Variants in SI observed in about 807,000 individuals in gnomAD.
SI encodes the protein sucrase-isomaltase, intestinal.
In SI, 235 loss-of-function variants were observed where a neutral mutation model predicts 253.3. The observed-to-expected ratio is 0.93, with a 90% CI of 0.83 to 1.03. SI has a LOEUF of 1.03. Ranked by LOEUF, SI falls within the 50% of genes least tolerant of loss-of-function variation. The probability of loss-of-function intolerance (pLI) is 0.00; values close to 1 mark genes in which losing one functional copy is unlikely to be tolerated. For missense variants in SI, 2,442 were observed against 2,211.1 expected (o/e 1.10, Z -2.09); for synonymous variants, 819 against 712.0 (o/e 1.15, Z -2.39).
chr3:165,036,952 A>G (rs1435739892), intron 21 of SI, among the ~76,000 whole-genome samples: 1 of 151,730 alleles, frequency 6.6e-6, no homozygotes, highest in Non-Finnish European at 1.5e-5. Context: ...GAGTAATGAG[A>G]TGTAGTCAAG....
rs369270913 is a variant in SI, at chr3:165,013,050, A to G, written c.4000-8T>C. 18 of 1,584,178 alleles carry G rather than the reference A, an allele frequency of 1.1e-5. No individual in the cohort carries two copies. The highest frequency in any genetic ancestry group is 1.5e-5 in the Non-Finnish European group (17 of 1,153,046). ...GGGCAAATCTGGCCAAACCTACAAG[A>G]GACAAGACATGGAAAAGCTGATCAA... On this transcript the variant is annotated splice_region_variant and splice_polypyrimidine_tract_variant and intron_variant, in intron 33 of 47. Coordinates refer to ENST00000264382, the MANE Select transcript of SI (RefSeq NM_001041.4).
At chr3:165,021,000 G>A (rs2108182698) in intron 27 of SI, among the ~76,000 whole-genome samples, 1 of 151,642 alleles carries the variant, frequency 6.6e-6, no homozygotes, top group East Asian at 1.9e-4. Flanking sequence ...GATACTAATA[G>A]TGAAATTGAA....
intron 6 of SI, among the ~76,000 whole-genome samples, chr3:165,066,591 C>T (rs1329112276): frequency 6.6e-6 from 1 of 151,964 alleles, no homozygotes; most frequent in East Asian, 1.9e-4. Flanking sequence ...TTCTCCTCCA[C>T]TCCCAGCCTC....
intron 13 of SI, among the ~76,000 whole-genome samples, chr3:165,051,954 A>G (rs185578820): frequency 2.6e-4 from 39 of 152,148 alleles, no homozygotes; most frequent in African/African-American, 8.4e-4. Flanking sequence ...AGCTCACAAT[A>G]AAAGGGAAAA....
At position 165,017,324 on chromosome 3, in the gene SI, T is replaced by G. The variant is rs538103848; in HGVS notation, c.3759+224A>C. On this transcript the variant is annotated intron_variant, in intron 31 of 47. Coordinates refer to ENST00000264382, the MANE Select transcript of SI (RefSeq NM_001041.4). ...GTGACTTGTTTAGCACAACACAGCA[T>G]GATAGTATTAGGGAGGGAAAAGGAA... 3.3e-5 allele frequency among the ~76,000 whole-genome samples: 5 copies of G among 152,014 alleles called. No individual in the cohort carries two copies. In the South Asian group the frequency reaches 1.0e-3, roughly 32 times the overall value.
intron 34 of SI, among the ~76,000 whole-genome samples, chr3:165,012,710 A>G (rs1257725666): frequency 1.4e-4 from 21 of 152,198 alleles, no homozygotes; most frequent in Admixed American, 1.2e-3. Flanking sequence ...GATTACAGGC[A>G]TGAGCCACCG....
intron 15 of SI, 56 bp downstream of exon 15, chr3:165,049,071 A>G (rs1713291152): frequency 9.9e-7 from 1 of 1,005,822 alleles, no homozygotes; most frequent in African/African-American, 1.6e-5. Flanking sequence ...ATAAATTATC[A>G]AAAACATTTT....
At chr3:165,082,359 G>T (rs1715364832), upstream of SI, among the ~76,000 whole-genome samples, 1 of 151,638 alleles carries the variant, frequency 6.6e-6, no homozygotes, top group Non-Finnish European at 1.5e-5. Context: ...TTCCTAACTG[G>T]TCTCCCAAAC....
intron 16 of SI, among the ~76,000 whole-genome samples, 183 bp from the exon 17 acceptor site, chr3:165,043,358 T>C (rs1712948121): frequency 2.0e-5 from 3 of 152,058 alleles, no homozygotes; most frequent in Admixed American, 2.0e-4. Flanking sequence ...AGTTGCATTA[T>C]TTTATATGTT....
Position 165,013,140 on chromosome 3 carries a change from T to C in SI, c.4000-98A>G, listed in dbSNP as rs1718848107. On this transcript the variant is annotated intron_variant, in intron 33 of 47. Transcript: ENST00000264382. Reference sequence around the variant, plus strand: ...GTAATGGAGTATTAGAGGCTTATTATTAACTCAAAGTCTTCAGATCTGCAA... The same window carrying C: ...GTAATGGAGTATTAGAGGCTTATTACTAACTCAAAGTCTTCAGATCTGCAA... The C allele has an allele frequency of 4.9e-6, 4 of 812,176 alleles. No homozygotes were observed. The Admixed American group carries it at 6.8e-5, about 14-fold the overall frequency. The allele number at this position is 812,176 out of a possible 1,614,324, so 50.3% of individuals were successfully genotyped here. A position where few individuals can be genotyped will look rare whatever the true frequency, so the allele number is the denominator to read the frequency against.
At chr3:165,073,187 TC>T (rs1198586505) in intron 3 of SI, among the ~76,000 whole-genome samples, 186 of 9,764 alleles carry the variant, frequency 0.019, 1 homozygote, top group Non-Finnish European at 0.061. Flanking sequence ...TCTCTCTCTC[TC>T]TCTCTCTCTC....
upstream of SI, among the ~76,000 whole-genome samples, chr3:165,082,097 C>A (rs1413222055): frequency 6.6e-6 from 1 of 151,734 alleles, no homozygotes; most frequent in African/African-American, 2.4e-5. Context: ...AGCTTCATAC[C>A]CAAATTTCCA....
chr3:165,087,634 GC>G, the SI span, among the ~76,000 whole-genome samples: 1 of 152,020 alleles, frequency 6.6e-6, no homozygotes, highest in Non-Finnish European at 1.5e-5. Flanking sequence ...CACAACAAAG[GC>G]CTAGCAAAGG....
upstream of SI, among the ~76,000 whole-genome samples, chr3:165,080,789 T>C (rs1013088035): frequency 6.6e-5 from 10 of 151,938 alleles, no homozygotes; most frequent in Admixed American, 4.6e-4. Context: ...CATTGGGAGA[T>C]ATACCTAATG....
intron 37 of SI, among the ~76,000 whole-genome samples, chr3:165,005,300 A>G (rs1157175773): frequency 2.0e-5 from 3 of 152,166 alleles, no homozygotes; most frequent in Non-Finnish European, 4.4e-5. Context: ...GCACAACAGG[A>G]TGATAGTCAA....
intron 44 of SI, among the ~76,000 whole-genome samples, chr3:164,987,942 T>C (rs1245381135): frequency 2.0e-5 from 3 of 152,216 alleles, no homozygotes; most frequent in African/African-American, 7.2e-5. Flanking sequence ...CATATTTCCA[T>C]ACATAAATCA....
rs113739230 is a variant in SI, at chr3:164,992,181, T to C, written c.4979A>G (p.His1660Arg). The part of the protein sequence containing the change: ...YVPNARWFDY[H>R]TGKDIGVRGQ... ...CAGAATTCCTTAAATACTTACTGTA[T>C]GGTAGTCAAACCACCGAGCATTGGG... The change falls in exon 43 of 48, where the codon CAT (histidine) becomes CGT (arginine). Residue 1660 changes from histidine to arginine, a missense_variant. Coordinates refer to ENST00000264382, the MANE Select transcript of SI (RefSeq NM_001041.4). The C allele has an allele frequency of 6.2e-7, 1 of 1,610,128 alleles. No homozygotes were observed. Among genetic ancestry groups the C allele is most frequent in the Non-Finnish European group, 8.5e-7 (1 of 1,178,068 alleles).
At chr3:164,986,067 A>C (rs1470152726) in intron 45 of SI, among the ~76,000 whole-genome samples, 1 of 152,158 alleles carries the variant, frequency 6.6e-6, no homozygotes, top group Non-Finnish European at 1.5e-5. Context: ...AAGAGTAGAT[A>C]TAAAAACACA....
chr3:165,058,982 C>T lies in SI; in HGVS notation c.1379G>A (p.Ser460Asn), dbSNP rs772746641. The change falls in exon 12 of 48, where the codon AGT (serine) becomes AAT (asparagine). Residue 460 changes from serine (S) to asparagine (N), a missense_variant. Transcript: ENST00000264382. ...TTTTACCTCTCCAATAATTGGTGTACTTCCATCTGACTCATTTATCCACAC... is the reference window on the plus strand; with the variant it reads ...TTTTACCTCTCCAATAATTGGTGTATTTCCATCTGACTCATTTATCCACAC... ...QHVWINESDGSTPIIGEVWPG... is the reference protein window; with the variant it reads ...QHVWINESDGNTPIIGEVWPG... 1 of 1,611,142 alleles carries T rather than the reference C, an allele frequency of 6.2e-7. No homozygotes were observed. Among genetic ancestry groups the T allele is most frequent in the Non-Finnish European group, 8.5e-7 (1 of 1,177,992 alleles).
Sources: allele counts gnomAD v4.1 joint callset (sites outside exome capture counted in the v4.1 genomes callset), GRCh38; gene constraint gnomAD v4.1.1; transcripts MANE v1.5; gene names NCBI Gene and HGNC (gene_info 2026-07-23, HGNC 2026-07-21).